Variants in CAD observed in about 807,000 individuals in gnomAD.
CAD encodes the protein carbamoyl-phosphate synthetase 2, aspartate transcarbamylase, and dihydroorotase.
CAD carries 81 observed loss-of-function variants against 237.2 expected under a neutral mutation model. That is an observed-to-expected ratio of 0.34 (90% CI 0.29 to 0.41). The LOEUF is 0.41. CAD is among the 10% of genes least tolerant of loss of function. The pLI is 1.00. For missense variants in CAD, 2,181 were observed against 2,951.7 expected, an observed-to-expected ratio of 0.74 and a Z score of 6.05; for synonymous variants, 1,196 against 1,162.8, an observed-to-expected ratio of 1.03 and a Z score of -0.58.
chr2:27,233,336 G>A lies in CAD; in HGVS notation c.3016G>A (p.Glu1006Lys), dbSNP rs748783583. 4.3e-6 allele frequency: 7 copies of A among 1,614,042 alleles called. No individual in the cohort carries two copies. Among genetic ancestry groups the A allele is most frequent in the Non-Finnish European group, 1.7e-6 (2 of 1,180,032 alleles). The change falls in exon 20 of 44, where the codon GAG (glutamate) becomes AAG (lysine). Residue 1006 changes from glutamate (E) to lysine (K), a missense_variant. This residue lies in a region of CAD where 385 missense variants were observed against 535.1 expected (regional missense o/e 0.72). Coordinates refer to ENST00000264705, the MANE Select transcript of CAD (RefSeq NM_004341.5). The surrounding 1 kb of genome is among the most constrained non-coding windows in gnomAD (Gnocchi z 6.3). ...FEVVMDIYEL[E>K]NPEGVILSMG... Reference sequence around the variant, plus strand: ...GGTGGTGATGGACATCTATGAGCTCGAGAACCCTGAAGGTGTGATCCTATC... The same window carrying A: ...GGTGGTGATGGACATCTATGAGCTCAAGAACCCTGAAGGTGTGATCCTATC...
At chr2:27,224,944 A>G in intron 10 of CAD, 66 bp from the exon 11 acceptor site, 1 of 1,609,390 alleles carries the variant, frequency 6.2e-7, no homozygotes, top group Non-Finnish European at 8.5e-7. Context: ...ACTGTGGGTT[A>G]TTAAACTTTG....
In CAD at chr2:27,224,327, CCTT is replaced by C. The variant is rs752557009; in HGVS notation, c.1109-14_1109-12del. The C allele has an allele frequency of 1.2e-6, 2 of 1,613,900 alleles. No homozygotes were observed. Among genetic ancestry groups the C allele is most frequent in the Admixed American group, 1.7e-5 (1 of 59,986 alleles). ...CCAGCTCAGCTCTAACATTCTACGA[CCTT>C]CTTTGCTTCCACAGTTAGAGAGCGG... On this transcript the variant is annotated splice_polypyrimidine_tract_variant and intron_variant, in intron 8 of 43. Transcript: ENST00000264705.
chr2:27,240,498 C>A lies in CAD; in HGVS notation c.5593+137C>A. On this transcript the variant is annotated intron_variant, in intron 35 of 43. Coordinates refer to ENST00000264705, the MANE Select transcript of CAD (RefSeq NM_004341.5). This position sits in a 1 kb window ranked among gnomAD's most constrained non-coding sequence, Gnocchi z 4.6. Reference sequence around the variant, plus strand: ...TCTGATCTGCCGTGCCATCCTTTGCCTAAACAAGTCTCCCCGGTGTGAGTA... The same window carrying A: ...TCTGATCTGCCGTGCCATCCTTTGCATAAACAAGTCTCCCCGGTGTGAGTA... The A allele has an allele frequency of 6.6e-7, 1 of 1,519,178 alleles. No homozygotes were observed. 94.1% of individuals were successfully genotyped at this position (1,519,178 alleles called of 1,614,324 possible). A position where few individuals can be genotyped will look rare whatever the true frequency, so the allele number is the denominator to read the frequency against.
chr2:27,220,039 T>G (rs903348679), intron 2 of CAD, among the ~76,000 whole-genome samples: 1 of 152,162 alleles, frequency 6.6e-6, no homozygotes, highest in African/African-American at 2.4e-5. Flanking sequence ...TTTATATGGG[T>G]GTTACCTTGT....
At chr2:27,238,991 C>T in intron 31 of CAD, 51 bp from the exon 32 acceptor site, 3 of 1,497,028 alleles carry the variant, frequency 2.0e-6, no homozygotes, top group Non-Finnish European at 2.7e-6. Context: ...TGAGTGACTT[C>T]CTAGACATGG....
At chr2:27,217,730 C>T (rs1379477217) in intron 1 of CAD, 97 bp downstream of exon 1, 1 of 1,426,944 alleles carries the variant, frequency 7.0e-7, no homozygotes, top group African/African-American at 1.4e-5. Flanking sequence ...TTCCCGCCAG[C>T]GTACCCCCTT....
chr2:27,221,632 A>G (rs1675168576), intron 3 of CAD, among the ~76,000 whole-genome samples: 1 of 152,136 alleles, frequency 6.6e-6, no homozygotes, highest in Admixed American at 6.5e-5. Context: ...CATTTCATCT[A>G]CAAATAGTTC....
In CAD at chr2:27,224,633, A is replaced by G. The variant is rs889031080; in HGVS notation, c.1255-112A>G. On this transcript the variant is annotated intron_variant, in intron 9 of 43. Transcript: ENST00000264705. ...AAGATGTAGTAAGAAATAGAAGTCA[A>G]TTATTAGGGGCCAAGAGTACAGGGA... is the stretch of plus-strand genomic sequence containing the variant. 10 of 1,539,250 alleles carry G rather than the reference A, an allele frequency of 6.5e-6. No individual in the cohort carries two copies. The Admixed American group carries it at 7.2e-5, about 11-fold the overall frequency.
intron 2 of CAD, among the ~76,000 whole-genome samples, chr2:27,220,827 G>A (rs567656392): frequency 1.1e-4 from 16 of 151,886 alleles, no homozygotes; most frequent in Non-Finnish European, 1.6e-4. Flanking sequence ...GTGTGGTGGC[G>A]GGCGCCTGTA....
At position 27,237,123 on chromosome 2, in the gene CAD, A is replaced by G. The variant is rs899102478; in HGVS notation, c.4397-256A>G. 6.7e-6 allele frequency among the ~76,000 whole-genome samples: 1 copy of G among 149,352 alleles called. No homozygotes were observed. Among genetic ancestry groups the G allele is most frequent in the African/African-American group, 2.5e-5 (1 of 40,120 alleles). ...ACTGCAACCTCCGCCTCCCAGGTTCAAGCGATTTTCCTGCCTCAGCCTCCC... is the reference window on the plus strand; with the variant it reads ...ACTGCAACCTCCGCCTCCCAGGTTCGAGCGATTTTCCTGCCTCAGCCTCCC... On this transcript the variant is annotated intron_variant, in intron 27 of 43. Transcript: ENST00000264705. The surrounding 1 kb of genome is among the most constrained non-coding windows in gnomAD (Gnocchi z 4.0).
chr2:27,222,860 C>T lies in CAD; in HGVS notation c.638-6C>T, dbSNP rs765517997. ...ATTTTGATGTCATCTTTTCTGCCCA[C>T]TCCAGAGTATGAGGGTCTCTTCTTA... On this transcript the variant is annotated splice_region_variant and splice_polypyrimidine_tract_variant and intron_variant, in intron 5 of 43. Transcript: ENST00000264705. 1.2e-6 allele frequency: 2 copies of T among 1,613,874 alleles called. No individual in the cohort carries two copies. The highest frequency in any genetic ancestry group is 2.2e-5 in the South Asian group (2 of 91,078).
Position 27,239,259 on chromosome 2 carries a change from G to A in CAD, c.5253+27G>A, listed in dbSNP as rs770255675. Reference sequence around the variant, plus strand: ...TGTGGGGATGAGGCCCAGAGCAGGAGGGGGGCTCTCCAGCCCTAGGATATG... The same window carrying A: ...TGTGGGGATGAGGCCCAGAGCAGGAAGGGGGCTCTCCAGCCCTAGGATATG... On this transcript the variant is annotated intron_variant, in intron 32 of 43. Coordinates refer to ENST00000264705, the MANE Select transcript of CAD (RefSeq NM_004341.5). The surrounding 1 kb of genome is among the most constrained non-coding windows in gnomAD (Gnocchi z 4.0). 4 of 1,601,074 alleles carry A rather than the reference G, an allele frequency of 2.5e-6. No individual in the cohort carries two copies. Among genetic ancestry groups the A allele is most frequent in the Non-Finnish European group, 3.4e-6 (4 of 1,169,874 alleles).
Position 27,237,412 on chromosome 2 carries a change from C to T in CAD, c.4430C>T (p.Pro1477Leu). ...LIDVHVHLRE[P>L]GGTHKEDFAS... ...GATGTCCATGTGCACCTGCGGGAACCAGGTGGGACACATAAGGAGGACTTT... is the reference window on the plus strand; with the variant it reads ...GATGTCCATGTGCACCTGCGGGAACTAGGTGGGACACATAAGGAGGACTTT... The change falls in exon 28 of 44, where the codon CCA (proline) becomes CTA (leucine). Residue 1477 changes from proline to leucine, a missense_variant. This residue lies in a region of CAD where 478 missense variants were observed against 515.0 expected (regional missense o/e 0.93). Coordinates refer to ENST00000264705, the MANE Select transcript of CAD (RefSeq NM_004341.5). This position sits in a 1 kb window ranked among gnomAD's most constrained non-coding sequence, Gnocchi z 4.0. 1 of 1,614,194 alleles carries T rather than the reference C, an allele frequency of 6.2e-7. No individual in the cohort carries two copies. The highest frequency in any genetic ancestry group is 8.5e-7 in the Non-Finnish European group (1 of 1,180,026).
At position 27,221,281 on chromosome 2, in the gene CAD, A is replaced by T. The variant is rs371907143; in HGVS notation, c.286A>T (p.Ser96Cys). The T allele has an allele frequency of 6.9e-6, 11 of 1,592,826 alleles. No homozygotes were observed. Among genetic ancestry groups the T allele is most frequent in the Non-Finnish European group, 9.4e-6 (11 of 1,169,844 alleles). Residue 96 changes from serine to cysteine, a missense_variant, in exon 3 of 44, where the codon AGC becomes TGC. Around this residue, in one of 12 missense-constraint regions of CAD, gnomAD observed 314 missense variants for 339.4 expected, o/e 0.93. Coordinates refer to ENST00000264705, the MANE Select transcript of CAD (RefSeq NM_004341.5). Reference protein sequence around the residue: ...LVVGECCPTPSHWSATRTLHE... With the variant: ...LVVGECCPTPCHWSATRTLHE... ...AGTGGGAGAGTGCTGTCCTACTCCC[A>T]GCCACTGGAGTGCCACCCGCACCCT...
chr2:27,225,080 T>C lies in CAD; in HGVS notation c.1457T>C (p.Val486Ala). Residue 486 changes from valine (V) to alanine (A), a missense_variant, in exon 11 of 44, where the codon GTG becomes GCG. Around this residue, in one of 12 missense-constraint regions of CAD, gnomAD observed 174 missense variants for 215.8 expected, o/e 0.81. Transcript: ENST00000264705. Reference sequence around the variant, plus strand: ...GGCCAGACTGCTCTGAACTGTGGTGTGGAGCTGACCAAGGCCGGGGTGCTG... The same window carrying C: ...GGCCAGACTGCTCTGAACTGTGGTGCGGAGCTGACCAAGGCCGGGGTGCTG... ...FGGQTALNCG[V>A]ELTKAGVLAR... The C allele has an allele frequency of 6.2e-7, 1 of 1,614,166 alleles. No individual in the cohort carries two copies.
intron 15 of CAD, among the ~76,000 whole-genome samples, chr2:27,229,233 A>T (rs1468000939): frequency 6.6e-6 from 1 of 151,978 alleles, no homozygotes; most frequent in Non-Finnish European, 1.5e-5. Context: ...TGTCTCGTTA[A>T]AAAAGAAAGA....
intron 23 of CAD, among the ~76,000 whole-genome samples, chr2:27,234,953 A>G (rs1675931824): frequency 1.3e-5 from 2 of 152,188 alleles, no homozygotes; most frequent in African/African-American, 4.8e-5. Context: ...GGAGTTCAAG[A>G]GACAGGAGGT....
intron 2 of CAD, among the ~76,000 whole-genome samples, chr2:27,220,208 A>G (rs1226617587): frequency 3.9e-5 from 6 of 152,150 alleles, no homozygotes; most frequent in Non-Finnish European, 4.4e-5. Flanking sequence ...TTTCGTGACA[A>G]AGACACAAAT....
chr2:27,239,612 G>A lies in CAD; in HGVS notation c.5395-85G>A. 6 of 1,479,132 alleles carry A rather than the reference G, an allele frequency of 4.1e-6. No homozygotes were observed. In the South Asian group the frequency reaches 6.2e-5, roughly 15 times the overall value. The allele number at this position is 1,479,132 out of a possible 1,614,324, so 91.6% of individuals were successfully genotyped here. A position where few individuals can be genotyped will look rare whatever the true frequency, so the allele number is the denominator to read the frequency against. ...GGGTTGGGGGCACAGCTCCCCCAAG[G>A]TGCTTTTTGTCCTTGCTGACATCTA... is the stretch of plus-strand genomic sequence containing the variant. On this transcript the variant is annotated intron_variant, in intron 33 of 43. Coordinates refer to ENST00000264705, the MANE Select transcript of CAD (RefSeq NM_004341.5). The surrounding 1 kb of genome is among the most constrained non-coding windows in gnomAD (Gnocchi z 4.0).
Sources: gnomAD v4.1 joint callset for allele counts (sites outside exome capture counted in the v4.1 genomes callset) on GRCh38, gnomAD v4.1.1 for gene constraint, gnomAD v4.1.1 regional missense constraint, Gnocchi (gnomAD v3.1) non-coding constraint, MANE v1.5 for transcripts, NCBI Gene and HGNC (gene_info 2026-07-23, HGNC 2026-07-21) for gene names.